The following TTC28 variants were observed in gnomAD, a reference collection of about 807,000 sequenced individuals.
TTC28 encodes the protein tetratricopeptide repeat domain 28.
TTC28 carries 61 observed loss-of-function variants against 198.0 expected under a neutral mutation model. The ratio of observed to expected loss-of-function variants is 0.31; its 90% CI spans 0.25 to 0.38. The LOEUF is 0.38. TTC28 is among the 10% of genes least tolerant of loss of function. The pLI is 1.00. For missense variants in TTC28, 2,678 were observed against 3,164.0 expected (o/e 0.85, Z 3.69); for synonymous variants, 1,171 against 1,297.8 (o/e 0.90, Z 2.10).
chr22:28,466,828 CA>C (rs2048028340), intron 2 of TTC28, among the ~76,000 whole-genome samples: 1 of 122,350 alleles, frequency 8.2e-6, no homozygotes. Flanking sequence ...CATACACACA[CA>C]CACACACACA....
At chr22:28,542,238 C>A (rs1037538095) in intron 2 of TTC28, among the ~76,000 whole-genome samples, 1 of 151,954 alleles carries the variant, frequency 6.6e-6, no homozygotes, top group Non-Finnish European at 1.5e-5. Context: ...ATCACTAAAT[C>A]TGAAGATGCA....
At chr22:28,619,602 T>G (rs7293232) in intron 2 of TTC28, among the ~76,000 whole-genome samples, 20,807 of 152,180 alleles carry the variant, frequency 0.14, 1,671 homozygotes, top group African/African-American at 0.2. Context: ...AAATACAAAG[T>G]GTCTTCAAAA....
chr22:28,410,519 T>C (rs2047064442), intron 2 of TTC28, among the ~76,000 whole-genome samples: 1 of 152,198 alleles, frequency 6.6e-6, no homozygotes, highest in African/African-American at 2.4e-5. Flanking sequence ...AAATATTTCA[T>C]TGTGAAAAGG....
chr22:28,256,196 C>A (rs528469256), intron 5 of TTC28, among the ~76,000 whole-genome samples: 1 of 151,108 alleles, frequency 6.6e-6, no homozygotes, highest in African/African-American at 2.4e-5. Context: ...CTGAGGCAGG[C>A]AGATCACCTG....
chr22:28,375,399 A>C (rs113685325), intron 2 of TTC28, among the ~76,000 whole-genome samples: 1 of 152,210 alleles, frequency 6.6e-6, no homozygotes, highest in African/African-American at 2.4e-5. Context: ...GATTAATAAA[A>C]GGGAAAGCAA....
intron 2 of TTC28, among the ~76,000 whole-genome samples, chr22:28,358,054 T>C (rs12157518): frequency 6.6e-6 from 1 of 152,218 alleles, no homozygotes; most frequent in African/African-American, 2.4e-5. Flanking sequence ...TCTTTCCAGA[T>C]AATGAAATTG....
chr22:28,353,353 T>C (rs1300080254), intron 2 of TTC28, among the ~76,000 whole-genome samples: 1 of 152,144 alleles, frequency 6.6e-6, no homozygotes, highest in Non-Finnish European at 1.5e-5. Flanking sequence ...ATCCTAAAAC[T>C]CATATGGAAT....
At chr22:28,062,024 G>T (rs1940562294) in intron 12 of TTC28, among the ~76,000 whole-genome samples, 1 of 152,004 alleles carries the variant, frequency 6.6e-6, no homozygotes, top group Non-Finnish European at 1.5e-5. Flanking sequence ...CTGTTTGTCT[G>T]TTATCGGTGT....
intron 2 of TTC28, among the ~76,000 whole-genome samples, chr22:28,486,813 C>G (rs1046524846): frequency 6.6e-5 from 10 of 152,170 alleles, no homozygotes; most frequent in African/African-American, 1.9e-4. Context: ...AAGGATACAA[C>G]AGCACCAGGG....
At chr22:28,451,099 G>C (rs1245976758) in intron 2 of TTC28, among the ~76,000 whole-genome samples, 1 of 152,206 alleles carries the variant, frequency 6.6e-6, no homozygotes, top group African/African-American at 2.4e-5. Context: ...GTCCTCTTAA[G>C]TTTTGGCTGA....
intron 2 of TTC28, among the ~76,000 whole-genome samples, chr22:28,537,342 A>ATAAAATAAAATAAAATAAAATATAAAAT (rs2049316127): frequency 6.8e-6 from 1 of 146,534 alleles, no homozygotes; most frequent in Non-Finnish European, 1.5e-5. Flanking sequence ...ATAAAATAAA[A>ATAAAATAAAATAAAATAAAATATAAAAT]ACAAGAATAG....
chr22:28,417,347 C>T (rs1343887287), intron 2 of TTC28, among the ~76,000 whole-genome samples: 1 of 144,968 alleles, frequency 6.9e-6, no homozygotes, highest in African/African-American at 2.6e-5. Flanking sequence ...TGATGATGCA[C>T]ACTTGCAGTC....
At chr22:28,284,287 G>C (rs566959319) in intron 5 of TTC28, among the ~76,000 whole-genome samples, 20 of 152,206 alleles carry the variant, frequency 1.3e-4, no homozygotes, top group Admixed American at 2.6e-4. Context: ...TTCTACAGTG[G>C]GGGGAAGAAC....
At chr22:28,629,294 A>T (rs2051130285) in intron 2 of TTC28, 3 of 430,530 alleles carry the variant, frequency 7.0e-6, no homozygotes, top group Non-Finnish European at 1.2e-5. Flanking sequence ...CTTACTTATC[A>T]AGCGGCACAG....
At position 28,297,741 on chromosome 22, in the gene TTC28, G is replaced by A. The variant is rs2044928680; in HGVS notation, c.641C>T (p.Ala214Val). The A allele has an allele frequency of 6.4e-7, 1 of 1,551,486 alleles. No individual in the cohort carries two copies. The highest frequency in any genetic ancestry group is 1.4e-5 in the African/African-American group (1 of 73,006). Residue 214 changes from alanine to valine, a missense_variant, in exon 4 of 23, where the codon GCC (alanine) becomes GTC (valine). Transcript: ENST00000397906. ...QELLTAGHHG[A>V]SVVVLEAALK... is the part of the protein sequence containing the mutation. Reference sequence around the variant, plus strand: ...TGCGGCTTCTAAGACAACCACAGAGGCCCCATGATGGCCAGCTGTCAGGAG... The same window carrying A: ...TGCGGCTTCTAAGACAACCACAGAGACCCCATGATGGCCAGCTGTCAGGAG...
At chr22:28,297,508 T>C (rs5762549) in intron 4 of TTC28, 72 bp downstream of exon 4, 257,354 of 1,478,710 alleles carry the variant, frequency 0.17, 24,987 homozygotes, top group East Asian at 0.36. Context: ...TTGCATATTA[T>C]TCTCATTCAT....
intron 12 of TTC28, among the ~76,000 whole-genome samples, chr22:28,043,305 T>C (rs1939738545): frequency 7.1e-6 from 1 of 141,200 alleles, no homozygotes; most frequent in Non-Finnish European, 1.5e-5. Flanking sequence ...CAGGGTCACA[T>C]ATGGTGACCA....
rs1938361092 is a variant in TTC28 at position 28,016,088 on chromosome 22, A to ACCCTCAGCC, written c.4074-1705_4074-1697dup. On this transcript the variant is annotated intron_variant, in intron 13 of 22. Coordinates refer to ENST00000397906, the MANE Select transcript of TTC28 (RefSeq NM_001145418.2). ...GGTCATGCCAAGCCAAGCTCTCAGC[A>ACCCTCAGCC]CCCTCAGCCCCCAGCCTGGTGCCTG... Among the ~76,000 whole-genome samples the ACCCTCAGCC allele has an allele frequency of 2.6e-5, 4 of 152,134 alleles. No homozygotes were observed. The South Asian group carries it at 8.3e-4, about 32-fold the overall frequency.
intron 12 of TTC28, among the ~76,000 whole-genome samples, chr22:28,061,744 A>G (rs986913302): frequency 2.0e-5 from 3 of 152,252 alleles, no homozygotes; most frequent in Admixed American, 1.3e-4. Flanking sequence ...GTTTTTTCCA[A>G]TTCTGTGAAG....
Sources: allele counts gnomAD v4.1 joint callset (sites outside exome capture counted in the v4.1 genomes callset), GRCh38; gene constraint gnomAD v4.1.1; transcripts MANE v1.5; gene names NCBI Gene and HGNC (gene_info 2026-07-23, HGNC 2026-07-21).